ADAMTS3: variants seen among roughly 807,000 people sequenced by gnomAD.
ADAMTS3 encodes the protein A disintegrin and metalloproteinase with thrombospondin motifs 3.
In ADAMTS3, 73 loss-of-function variants were observed where a neutral mutation model predicts 129.0. The ratio of observed to expected loss-of-function variants is 0.57; its 90% CI spans 0.47 to 0.69. The LOEUF (loss-of-function observed/expected upper bound fraction) is 0.69. Among genes scored for constraint, ADAMTS3 ranks in the 30% least tolerant of loss-of-function variants. The probability of loss-of-function intolerance (pLI) is 0.00; values close to 1 mark genes in which losing one functional copy is unlikely to be tolerated. For missense variants in ADAMTS3, 1,457 were observed against 1,514.5 expected, an observed-to-expected ratio of 0.96 and a Z score of 0.63; for synonymous variants, 477 against 510.8, an observed-to-expected ratio of 0.93 and a Z score of 0.89.
At chr4:72,322,535 T>C (rs914012728) in intron 6 of ADAMTS3, among the ~76,000 whole-genome samples, 4 of 152,194 alleles carry the variant, frequency 2.6e-5, no homozygotes, top group Admixed American at 1.3e-4. Flanking sequence ...TGGAAAGATA[T>C]ATGTATATAA....
chr4:72,428,077 C>A (rs1165455251), intron 3 of ADAMTS3, among the ~76,000 whole-genome samples: 1 of 151,896 alleles, frequency 6.6e-6, no homozygotes, highest in African/African-American at 2.4e-5. Flanking sequence ...GCTTACCCAT[C>A]GCTATTGTAC....
At chr4:72,461,100 C>T (rs1302877841) in intron 3 of ADAMTS3, among the ~76,000 whole-genome samples, 1 of 151,670 alleles carries the variant, frequency 6.6e-6, no homozygotes, top group Non-Finnish European at 1.5e-5. Flanking sequence ...ACTAACATAA[C>T]AGCTTTGCTC....
At chr4:72,507,483 C>A (rs1720193546) in intron 3 of ADAMTS3, among the ~76,000 whole-genome samples, 1 of 152,186 alleles carries the variant, frequency 6.6e-6, no homozygotes, top group Admixed American at 6.5e-5. Context: ...CTCTCACTAT[C>A]CCAGTTCTTG....
intron 3 of ADAMTS3, among the ~76,000 whole-genome samples, chr4:72,520,567 C>G (rs990299394): frequency 6.6e-6 from 1 of 152,208 alleles, no homozygotes; most frequent in African/African-American, 2.4e-5. Flanking sequence ...CCCCCAGCCT[C>G]GCTGCCGCCT....
intron 4 of ADAMTS3, among the ~76,000 whole-genome samples, chr4:72,366,735 T>C (rs1158793698): frequency 6.6e-6 from 1 of 151,374 alleles, no homozygotes; most frequent in Non-Finnish European, 1.5e-5. Flanking sequence ...AATTGCATCC[T>C]CATGAAGAAA....
intron 15 of ADAMTS3, among the ~76,000 whole-genome samples, chr4:72,307,789 G>A: frequency 6.6e-6 from 1 of 151,928 alleles, no homozygotes; most frequent in East Asian, 1.9e-4. Flanking sequence ...TTGCTTAAAT[G>A]TTTTCCTGTT....
intron 3 of ADAMTS3, among the ~76,000 whole-genome samples, chr4:72,530,748 T>C (rs1292111413): frequency 8.0e-5 from 3 of 37,524 alleles, no homozygotes; most frequent in East Asian, 1.1e-3. Flanking sequence ...ATATATATTA[T>C]ATATTATATA....
intron 15 of ADAMTS3, among the ~76,000 whole-genome samples, chr4:72,308,452 T>A (rs1719145195): frequency 1.3e-5 from 2 of 152,088 alleles, no homozygotes; most frequent in South Asian, 2.1e-4. Flanking sequence ...AATGACAATT[T>A]ACTTAACGTA....
At chr4:72,357,710 G>C (rs1216706383) in intron 4 of ADAMTS3, among the ~76,000 whole-genome samples, 1 of 151,764 alleles carries the variant, frequency 6.6e-6, no homozygotes, top group African/African-American at 2.4e-5. Context: ...TGTGGATGCT[G>C]GAAAAATTTA....
chr4:72,304,323 G>A (rs543936545), intron 16 of ADAMTS3, among the ~76,000 whole-genome samples: 48 of 152,180 alleles, frequency 3.2e-4, no homozygotes, highest in African/African-American at 1.1e-3. Context: ...CAAAAATAAT[G>A]TTTGCAAATA....
chr4:72,466,203 A>G (rs922791312), intron 3 of ADAMTS3, among the ~76,000 whole-genome samples: 1 of 152,214 alleles, frequency 6.6e-6, no homozygotes, highest in Non-Finnish European at 1.5e-5. Flanking sequence ...GTGAGCAGTC[A>G]GTGCAAATTC....
intron 3 of ADAMTS3, among the ~76,000 whole-genome samples, chr4:72,542,069 T>C (rs1409822103): frequency 1.3e-5 from 2 of 152,244 alleles, no homozygotes; most frequent in African/African-American, 4.8e-5. Flanking sequence ...CCTAATTTAC[T>C]AGGTTGTTGT....
At chr4:72,520,607 C>T (rs1029897845) in intron 3 of ADAMTS3, among the ~76,000 whole-genome samples, 16 of 152,212 alleles carry the variant, frequency 1.1e-4, no homozygotes, top group Non-Finnish European at 1.3e-4. Flanking sequence ...GCCGTGCTAG[C>T]AATCAGTGAG....
At chr4:72,394,975 A>G (rs1353560966) in intron 4 of ADAMTS3, among the ~76,000 whole-genome samples, 1 of 150,738 alleles carries the variant, frequency 6.6e-6, no homozygotes, top group Non-Finnish European at 1.5e-5. Flanking sequence ...GCCCAGGCTG[A>G]GTGCAGTGGC....
At chr4:72,421,947 C>A (rs371990021) in intron 3 of ADAMTS3, among the ~76,000 whole-genome samples, 6 of 152,074 alleles carry the variant, frequency 3.9e-5, no homozygotes, top group African/African-American at 9.7e-5. Flanking sequence ...CACTAGAATG[C>A]CCATTTAGGT....
chr4:72,335,786 C>G (rs1719974573), intron 5 of ADAMTS3, among the ~76,000 whole-genome samples: 1 of 152,148 alleles, frequency 6.6e-6, no homozygotes, highest in African/African-American at 2.4e-5. Flanking sequence ...TTCTTAAACA[C>G]TGCTCCCATT....
At chr4:72,439,789 C>A (rs945159433) in intron 3 of ADAMTS3, among the ~76,000 whole-genome samples, 1 of 151,446 alleles carries the variant, frequency 6.6e-6, no homozygotes, top group African/African-American at 2.4e-5. Flanking sequence ...TAAGCCTTAC[C>A]GTGGCATAGT....
chr4:72,365,350 G>A (rs1257712589), intron 4 of ADAMTS3, among the ~76,000 whole-genome samples: 1 of 152,108 alleles, frequency 6.6e-6, no homozygotes, highest in Admixed American at 6.5e-5. Context: ...CCTCTTGCTG[G>A]AAATCTTTTG....
chr4:72,295,594 C>G, intron 19 of ADAMTS3, 60 bp downstream of exon 19: 1 of 1,539,598 alleles, frequency 6.5e-7, no homozygotes, highest in Admixed American at 1.9e-5. Flanking sequence ...CTAAAAAGAG[C>G]TAAAGGCAGT....
Sources: allele counts gnomAD v4.1 joint callset (sites outside exome capture counted in the v4.1 genomes callset), GRCh38; gene constraint gnomAD v4.1.1; transcripts MANE v1.5; gene names NCBI Gene and HGNC (gene_info 2026-07-23, HGNC 2026-07-21).